Variants in TSPEAR observed in about 807,000 individuals in gnomAD.
TSPEAR encodes thrombospondin-type laminin G domain and EAR repeat-containing protein.
TSPEAR carries 69 observed loss-of-function variants against 71.6 expected under a neutral mutation model. The observed-to-expected ratio is 0.96, with a 90% CI of 0.79 to 1.18. TSPEAR has a LOEUF of 1.18. Ranked by LOEUF, TSPEAR falls within the 50% of genes most tolerant of loss-of-function variation. The probability of loss-of-function intolerance (pLI) is 0.00; values close to 1 mark genes in which losing one functional copy is unlikely to be tolerated. For missense variants in TSPEAR, 971 were observed against 894.9 expected (o/e 1.09, Z -1.09); for synonymous variants, 402 against 387.2 (o/e 1.04, Z -0.45).
At chr21:44,625,518 A>G (rs587723987) in intron 1 of TSPEAR, among the ~76,000 whole-genome samples, 1 of 152,394 alleles carries the variant, frequency 6.6e-6, no homozygotes, top group East Asian at 1.9e-4. Context: ...ATGGCCTGAA[A>G]GAGCAGAACC....
chr21:44,598,274 T>G (rs1422699340), intron 1 of TSPEAR, among the ~76,000 whole-genome samples: 1 of 152,236 alleles, frequency 6.6e-6, no homozygotes, highest in African/African-American at 2.4e-5. Context: ...GTTTAAATGT[T>G]TAGCCAATCG....
chr21:44,711,540 C>G lies in TSPEAR; in HGVS notation c.-26G>C, dbSNP rs1555953648. ...GAGGGGCTTGGGTGCCAAGCTCCAT[C>G]CAGGGCTCCGCTCAGCCTGCAGGGA... On this transcript the variant is annotated 5_prime_UTR_variant, in exon 1 of 12. Transcript: ENST00000323084. The surrounding 1 kb of genome is among the most constrained non-coding windows in gnomAD (Gnocchi z 4.5). The G allele has an allele frequency of 1.2e-6, 2 of 1,601,442 alleles. No individual in the cohort carries two copies. Among genetic ancestry groups the G allele is most frequent in the Non-Finnish European group, 1.7e-6 (2 of 1,174,132 alleles).
intron 1 of TSPEAR, among the ~76,000 whole-genome samples, chr21:44,664,469 A>G (rs1177392489): frequency 6.6e-6 from 1 of 152,190 alleles, no homozygotes; most frequent in Non-Finnish European, 1.5e-5. Flanking sequence ...GGATTGCTGG[A>G]TATGTCGACT....
At chr21:44,697,706 GCCT>G (rs1555950932) in intron 1 of TSPEAR, 1 of 1,610,878 alleles carries the variant, frequency 6.2e-7, no homozygotes, top group African/African-American at 1.4e-5. Flanking sequence ...CTGCTCTGGG[GCCT>G]CCTCTCTGTG....
chr21:44,709,998 C>T (rs1332232731), intron 1 of TSPEAR, among the ~76,000 whole-genome samples: 1 of 152,108 alleles, frequency 6.6e-6, no homozygotes, highest in Non-Finnish European at 1.5e-5. Flanking sequence ...TATAAATAAC[C>T]TGTATTATTA....
At position 44,498,786 on chromosome 21, in the gene TSPEAR, G is replaced by C. The variant is rs587726682; in HGVS notation, c.*997C>G. 2,863 of 152,558 alleles carry C rather than the reference G, an allele frequency of 0.019. 95 individuals are homozygous for C. Among genetic ancestry groups the C allele is most frequent in the African/African-American group, 0.063 (2,601 of 41,572 alleles). The allele number at this position is 152,558 out of a possible 1,614,324, so 9.5% of individuals were successfully genotyped here. A position where few individuals can be genotyped will look rare whatever the true frequency, so the allele number is the denominator to read the frequency against. On this transcript the variant is annotated 3_prime_UTR_variant, in exon 12 of 12. Transcript: ENST00000323084. ...GTGTGGTCTGGGCTGCGTGGCCCCG[G>C]AGCCTGCTGTCTGAGCCTCTTCTCA...
intron 1 of TSPEAR, among the ~76,000 whole-genome samples, chr21:44,613,666 C>A (rs376568188): frequency 1.1e-3 from 165 of 151,804 alleles, no homozygotes; most frequent in African/African-American, 3.8e-3. Context: ...ACAAGGGACT[C>A]GATGGGAACA....
At chr21:44,613,940 C>T (rs1474768794) in intron 1 of TSPEAR, among the ~76,000 whole-genome samples, 1 of 152,160 alleles carries the variant, frequency 6.6e-6, no homozygotes, top group African/African-American at 2.4e-5. Context: ...GCTCTGCCGC[C>T]CCGACCGGGG....
At chr21:44,538,426 C>G (rs373165611) in intron 2 of TSPEAR, among the ~76,000 whole-genome samples, 1 of 123,130 alleles carries the variant, frequency 8.1e-6, no homozygotes, top group African/African-American at 3.5e-5. Flanking sequence ...ACTGCTGCCC[C>G]CCCCCCCCCC....
At chr21:44,562,643 A>T (rs2053653522) in intron 2 of TSPEAR, among the ~76,000 whole-genome samples, 1 of 152,204 alleles carries the variant, frequency 6.6e-6, no homozygotes, top group East Asian at 1.9e-4. Flanking sequence ...GTTATTTATA[A>T]GAGAACCATA....
intron 1 of TSPEAR, among the ~76,000 whole-genome samples, chr21:44,703,540 A>C (rs1395921457): frequency 6.6e-6 from 1 of 152,172 alleles, no homozygotes; most frequent in African/African-American, 2.4e-5. Flanking sequence ...CGCTGTGGTC[A>C]ACCAGCTCCT....
At chr21:44,573,609 C>A in intron 1 of TSPEAR, 3 of 1,352,186 alleles carry the variant, frequency 2.2e-6, no homozygotes, top group Non-Finnish European at 3.0e-6. Flanking sequence ...TACACCCCAA[C>A]AAGGAAGGGA....
At chr21:44,651,557 G>A (rs1289223964) in intron 1 of TSPEAR, among the ~76,000 whole-genome samples, 1 of 152,054 alleles carries the variant, frequency 6.6e-6, no homozygotes, top group Non-Finnish European at 1.5e-5. Context: ...TTGGTTCAGG[G>A]CTAGCAGCAG....
chr21:44,709,004 G>A (rs1489766543), intron 1 of TSPEAR, among the ~76,000 whole-genome samples: 2 of 152,198 alleles, frequency 1.3e-5, no homozygotes, highest in Non-Finnish European at 2.9e-5. Context: ...GGTCCCCACC[G>A]CTGACGGTTC....
At chr21:44,672,705 C>T (rs1986118662) in intron 1 of TSPEAR, among the ~76,000 whole-genome samples, 1 of 152,182 alleles carries the variant, frequency 6.6e-6, no homozygotes, top group African/African-American at 2.4e-5. Flanking sequence ...CTGCCCAAAT[C>T]TCGTGTTGAA....
intron 1 of TSPEAR, among the ~76,000 whole-genome samples, chr21:44,625,089 A>T (rs1982681685): frequency 6.6e-6 from 1 of 152,100 alleles, no homozygotes; most frequent in Non-Finnish European, 1.5e-5. Flanking sequence ...GGTCAAAATT[A>T]CTCTTCGATA....
At chr21:44,556,901 G>A (rs1555919918) in intron 2 of TSPEAR, among the ~76,000 whole-genome samples, 2 of 152,072 alleles carry the variant, frequency 1.3e-5, no homozygotes, top group South Asian at 2.1e-4. Flanking sequence ...GGAACTTCCC[G>A]GCCACCTCGT....
intron 11 of TSPEAR, among the ~76,000 whole-genome samples, chr21:44,504,463 G>C (rs587757129): frequency 4.9e-5 from 6 of 122,178 alleles, no homozygotes; most frequent in African/African-American, 1.6e-4. Flanking sequence ...GGGAAGCAAG[G>C]CTCTTGGAGG....
intron 2 of TSPEAR, chr21:44,558,108 C>A (rs1368130861): frequency 2.5e-5 from 41 of 1,610,240 alleles, no homozygotes; most frequent in Non-Finnish European, 3.1e-5. Flanking sequence ...GAGGCGGGAG[C>A]ACGTGGGGCG....
Sources: gnomAD v4.1 joint callset for allele counts (sites outside exome capture counted in the v4.1 genomes callset) on GRCh38, gnomAD v4.1.1 for gene constraint, Gnocchi (gnomAD v3.1) non-coding constraint, MANE v1.5 for transcripts, NCBI Gene and HGNC (gene_info 2026-07-23, HGNC 2026-07-21) for gene names.